GPR31: variants seen among roughly 807,000 people sequenced by gnomAD.
The protein encoded by GPR31 is G protein-coupled receptor 31, also known as 12-(S)-hydroxy-5,8,10,14-eicosatetraenoic acid receptor.
For synonymous variants in GPR31, 209 were observed against 183.8 expected (o/e 1.14, Z -1.11); for missense variants, 394 against 400.5 (o/e 0.98, Z 0.14).
rs1001611890 is a variant in GPR31, at chr6:167,155,550, C to T, written c.*1322G>A. On this transcript the variant is annotated 3_prime_UTR_variant, in exon 1 of 1. Coordinates refer to ENST00000366834, the MANE Select transcript of GPR31 (RefSeq NM_005299.3). ...GTTGCCTAGAGCCATCATTTTTGAC[C>T]TCGAATTTGACAGAAAGCTTGGGAC... Among the ~76,000 whole-genome samples the T allele has an allele frequency of 1.3e-5, 2 of 152,316 alleles. No homozygotes were observed. The highest frequency in any genetic ancestry group is 3.4e-3 in the Middle Eastern group (1 of 294).
Position 167,157,143 on chromosome 6 carries a change from A to G in GPR31, c.689T>C (p.Leu230Pro). 6.2e-7 allele frequency: 1 copy of G among 1,614,244 alleles called. No individual in the cohort carries two copies. The highest frequency in any genetic ancestry group is 2.2e-5 in the East Asian group (1 of 44,888). The change falls in exon 1 of 1, where the codon CTG (leucine) becomes CCG (proline). Residue 230 changes from leucine to proline, a missense_variant. Physicochemically the swap from Leu to Pro is moderately conservative, Grantham distance 98. Transcript: ENST00000366834. ...AQALVTLVVV[L>P]FALCFLPCFL... ...GCAGGGCAGAAAGCACAGAGCAAACAGCACCACCACCAAGGTGACCAGTGC... is the reference window on the plus strand; with the variant it reads ...GCAGGGCAGAAAGCACAGAGCAAACGGCACCACCACCAAGGTGACCAGTGC...
rs1261237506 is a variant in GPR31 at position 167,156,481 on chromosome 6, C to T, written c.*391G>A. 6.2e-6 allele frequency: 1 copy of T among 161,692 alleles called. No individual in the cohort carries two copies. The highest frequency in any genetic ancestry group is 1.3e-5 in the Non-Finnish European group (1 of 75,058). The allele number at this position is 161,692 out of a possible 1,614,324, so 10.0% of individuals were successfully genotyped here. A position where few individuals can be genotyped will look rare whatever the true frequency, so the allele number is the denominator to read the frequency against. ...ACTGAAGCATAATAAATGAAAATGACTTGCTGAGACCAAGTAAGAGTTGGA... is the reference window on the plus strand; with the variant it reads ...ACTGAAGCATAATAAATGAAAATGATTTGCTGAGACCAAGTAAGAGTTGGA... On this transcript the variant is annotated 3_prime_UTR_variant, in exon 1 of 1. Transcript: ENST00000366834. The surrounding 1 kb of genome is among the most constrained non-coding windows in gnomAD (Gnocchi z 4.5).
At position 167,157,887 on chromosome 6, in the gene GPR31, T is replaced by C. The variant is rs1042330000; in HGVS notation, c.-56A>G. On this transcript the variant is annotated 5_prime_UTR_variant, in exon 1 of 1. Coordinates refer to ENST00000366834, the MANE Select transcript of GPR31 (RefSeq NM_005299.3). Reference sequence around the variant, plus strand: ...TGGAGCAGGTACAGGAGGAACTCTGTGCTCTTTCTTACAAAATGAAAGAAA... The same window carrying C: ...TGGAGCAGGTACAGGAGGAACTCTGCGCTCTTTCTTACAAAATGAAAGAAA... The C allele has an allele frequency of 2.5e-5, 37 of 1,505,148 alleles. No individual in the cohort carries two copies. Among genetic ancestry groups the C allele is most frequent in the South Asian group, 3.9e-5 (3 of 76,074 alleles). The allele number at this position is 1,505,148 out of a possible 1,614,324, so 93.2% of individuals were successfully genotyped here. A position where few individuals can be genotyped will look rare whatever the true frequency, so the allele number is the denominator to read the frequency against.
At position 167,157,376 on chromosome 6, in the gene GPR31, G is replaced by C. The variant is rs140917572; in HGVS notation, c.456C>G (p.Ile152Met). The C allele has an allele frequency of 4.0e-4, 650 of 1,613,470 alleles. 6 individuals are homozygous for C. The African/African-American group carries it at 7.6e-3, about 19-fold the overall frequency. Residue 152 changes from isoleucine to methionine, a missense_variant, in exon 1 of 1, where the codon ATC becomes ATG. Coordinates refer to ENST00000366834, the MANE Select transcript of GPR31 (RefSeq NM_005299.3). ...TGGTGGAGTTCTGGGCGGCCTCAGA[G>C]ATGAGCAAGCCCGGGCAGGTGAGGG... is the stretch of plus-strand genomic sequence containing the variant. ...MVALTCPGLLISEAAQNSTRC... is the reference protein window; with the variant it reads ...MVALTCPGLLMSEAAQNSTRC...
chr6:167,157,748 A>G lies in GPR31; in HGVS notation c.84T>C (p.Gly28=). 1 of 1,613,406 alleles carries G rather than the reference A, an allele frequency of 6.2e-7. No homozygotes were observed. The highest frequency in any genetic ancestry group is 8.5e-7 in the Non-Finnish European group (1 of 1,179,966). The change falls in exon 1 of 1, where the codon GGT becomes GGC. Residue 28 remains glycine, a synonymous_variant. Transcript: ENST00000366834. The part of the protein sequence containing the change: ...GVLLGLECGL[G]LLGNAVALWT... ...ACAGCGCCACCGCGTTGCCCAGCAG[A>G]CCCAGCCCACACTCCAGCCCCAGCA...
Position 167,157,441 on chromosome 6 carries a change from C to T in GPR31, c.391G>A (p.Ala131Thr). ...LKVNLLSPQA[A>T]LGVSGLVWLL... ...CAGACGAGGCCCGAGACCCCCAGGG[C>T]CGCCTGAGGAGACAGCAGGTTGACC... Residue 131 changes from alanine (A) to threonine (T), a missense_variant, in exon 1 of 1, where the codon GCC becomes ACC. Physicochemically the swap from Ala to Thr is moderately conservative, Grantham distance 58 (BLOSUM62 0). Transcript: ENST00000366834. 1 of 1,613,438 alleles carries T rather than the reference C, an allele frequency of 6.2e-7. No homozygotes were observed. The highest frequency in any genetic ancestry group is 8.5e-7 in the Non-Finnish European group (1 of 1,179,928).
In GPR31 at chr6:167,157,955, C is replaced by G; in HGVS notation, c.-124G>C. The G allele has an allele frequency of 8.5e-7, 1 of 1,182,136 alleles. No individual in the cohort carries two copies. Among genetic ancestry groups the G allele is most frequent in the Non-Finnish European group, 1.2e-6 (1 of 854,516 alleles). The allele number at this position is 1,182,136 out of a possible 1,614,324, so 73.2% of individuals were successfully genotyped here. ...AGAGTAGACAAGATCTACATTTGCC[C>G]AACAAGAACAGTTCCTCAGCAGAAT... On this transcript the variant is annotated 5_prime_UTR_variant, in exon 1 of 1. Coordinates refer to ENST00000366834, the MANE Select transcript of GPR31 (RefSeq NM_005299.3).
Position 167,157,465 on chromosome 6 carries a change from C to A in GPR31, c.367G>T (p.Val123Phe). 1.2e-6 allele frequency: 2 copies of A among 1,613,604 alleles called. No homozygotes were observed. The highest frequency in any genetic ancestry group is 1.7e-6 in the Non-Finnish European group (2 of 1,179,918). ...GCCGCCTGAGGAGACAGCAGGTTGA[C>A]CTTAAGCCGAGGGTGGACCACACGG... The part of the protein sequence containing the change: ...YLRVVHPRLK[V>F]NLLSPQAALG... Residue 123 changes from valine (V) to phenylalanine (F), a missense_variant, in exon 1 of 1, where the codon GTC (valine) becomes TTC (phenylalanine). Transcript: ENST00000366834.
chr6:167,156,567 A>G lies in GPR31; in HGVS notation c.*305T>C. 1 of 250,734 alleles carries G rather than the reference A, an allele frequency of 4.0e-6. No individual in the cohort carries two copies. The highest frequency in any genetic ancestry group is 7.5e-6 in the Non-Finnish European group (1 of 132,822). 15.5% of individuals were successfully genotyped at this position (250,734 alleles called of 1,614,324 possible). On this transcript the variant is annotated 3_prime_UTR_variant, in exon 1 of 1. Transcript: ENST00000366834. The surrounding 1 kb of genome is among the most constrained non-coding windows in gnomAD (Gnocchi z 4.5). ...CTGATTTAGCAAATTACATTTCTTC[A>G]AGTGTGGAGATGGAGTAGCTGCCCG...
At position 167,157,668 on chromosome 6, in the gene GPR31, T is replaced by A. The variant is rs2114956510; in HGVS notation, c.164A>T (p.Asn55Ile). 5.6e-6 allele frequency: 9 copies of A among 1,613,734 alleles called. No homozygotes were observed. Among genetic ancestry groups the A allele is most frequent in the African/African-American group, 1.3e-5 (1 of 75,010 alleles). Residue 55 changes from asparagine to isoleucine, a missense_variant, in exon 1 of 1, where the codon AAC becomes ATC. Physicochemically the swap from Asn to Ile is moderately radical, Grantham distance 149. Coordinates refer to ENST00000366834, the MANE Select transcript of GPR31 (RefSeq NM_005299.3). ...CAACAGCAGGTCAGCCAGGGCCAGGTTGAGCAGGTAGACAGCGTACGGCTT... is the reference window on the plus strand; with the variant it reads ...CAACAGCAGGTCAGCCAGGGCCAGGATGAGCAGGTAGACAGCGTACGGCTT... ...VWKPYAVYLL[N>I]LALADLLLAA...
In GPR31 at chr6:167,156,465, T is replaced by C. The variant is rs1782064579; in HGVS notation, c.*407A>G. On this transcript the variant is annotated 3_prime_UTR_variant, in exon 1 of 1. Transcript: ENST00000366834. The surrounding 1 kb of genome is among the most constrained non-coding windows in gnomAD (Gnocchi z 4.5). ...TTTTTTTGTATTTAAAACTGAAGCA[T>C]AATAAATGAAAATGACTTGCTGAGA... 2 of 159,004 alleles carry C rather than the reference T, an allele frequency of 1.3e-5. 1 individual carries two copies. The highest frequency in any genetic ancestry group is 4.0e-4 in the South Asian group (2 of 5,018). The allele number at this position is 159,004 out of a possible 1,614,324, so 9.8% of individuals were successfully genotyped here.
chr6:167,157,738 T>C lies in GPR31; in HGVS notation c.94A>G (p.Asn32Asp). ...GLECGLGLLG[N>D]AVALWTFLFR... The stretch of plus-strand genomic sequence containing the variant: ...AGGAAGGTCCACAGCGCCACCGCGT[T>C]GCCCAGCAGACCCAGCCCACACTCC... The change falls in exon 1 of 1, where the codon AAC becomes GAC. Residue 32 changes from asparagine to aspartate, a missense_variant. By Grantham distance (23) the Asn-to-Asp change is conservative (BLOSUM62 1). Coordinates refer to ENST00000366834, the MANE Select transcript of GPR31 (RefSeq NM_005299.3). 1 of 1,613,630 alleles carries C rather than the reference T, an allele frequency of 6.2e-7. No individual in the cohort carries two copies. The highest frequency in any genetic ancestry group is 8.5e-7 in the Non-Finnish European group (1 of 1,180,014).
Position 167,155,533 on chromosome 6 carries a change from G to C in GPR31, c.*1339C>G, listed in dbSNP as rs1782054472. Among the ~76,000 whole-genome samples the C allele has an allele frequency of 6.6e-6, 1 of 152,218 alleles. No individual in the cohort carries two copies. The highest frequency in any genetic ancestry group is 1.5e-5 in the Non-Finnish European group (1 of 68,040). ...GAGACTTGCCATTTTCTGTTGCCTA[G>C]AGCCATCATTTTTGACCTCGAATTT... On this transcript the variant is annotated 3_prime_UTR_variant, in exon 1 of 1. Transcript: ENST00000366834.
In GPR31 at chr6:167,157,324, C is replaced by G. The variant is rs764298562; in HGVS notation, c.508G>C (p.Asp170His). The G allele has an allele frequency of 5.4e-5, 87 of 1,613,970 alleles. No individual in the cohort carries two copies. Among genetic ancestry groups the G allele is most frequent in the Non-Finnish European group, 6.4e-5 (76 of 1,180,044 alleles). ...TGCCAGATGATGCTGAAGGAGCCGT[C>G]TGCCCTGGAGTAGAAACTGTGGCAC... ...TRCHSFYSRA[D>H]GSFSIIWQEA... The change falls in exon 1 of 1, where the codon GAC (aspartate) becomes CAC (histidine). Residue 170 changes from aspartate to histidine, a missense_variant. Asp to His is a moderately conservative substitution (Grantham distance 81, BLOSUM62 -1). Coordinates refer to ENST00000366834, the MANE Select transcript of GPR31 (RefSeq NM_005299.3).
Position 167,156,889 on chromosome 6 carries a change from T to G in GPR31, c.943A>C (p.Arg315=). ...QAAEPPDFNP[R]DSYS ...GGCTGTTGTCAGGAATAGGAGTCTCTGGGGTTGAAATCTGGGGGCTCTGCT... is the reference window on the plus strand; with the variant it reads ...GGCTGTTGTCAGGAATAGGAGTCTCGGGGGTTGAAATCTGGGGGCTCTGCT... Residue 315 remains arginine, a synonymous_variant, in exon 1 of 1, where the codon AGA becomes CGA. Coordinates refer to ENST00000366834, the MANE Select transcript of GPR31 (RefSeq NM_005299.3). This position sits in a 1 kb window ranked among gnomAD's most constrained non-coding sequence, Gnocchi z 4.5. 2 of 1,602,178 alleles carry G rather than the reference T, an allele frequency of 1.2e-6. No individual in the cohort carries two copies. Among genetic ancestry groups the G allele is most frequent in the South Asian group, 2.2e-5 (2 of 89,494 alleles).
In GPR31 at chr6:167,157,519, G is replaced by A; in HGVS notation, c.313C>T (p.Leu105=). 1 of 1,613,290 alleles carries A rather than the reference G, an allele frequency of 6.2e-7. No homozygotes were observed. The highest frequency in any genetic ancestry group is 8.5e-7 in the Non-Finnish European group (1 of 1,179,710). ...DLSRSVGMAF[L]AAVALDRYLR... ...TACCGGTCCAAAGCCACGGCGGCCA[G>A]GAAGGCCATCCCCACGCTGCGGCTG... Residue 105 remains leucine, a synonymous_variant, in exon 1 of 1, where the codon CTG becomes TTG. Coordinates refer to ENST00000366834, the MANE Select transcript of GPR31 (RefSeq NM_005299.3).
chr6:167,156,736 G>A lies in GPR31; in HGVS notation c.*136C>T. The stretch of plus-strand genomic sequence containing the variant: ...GTATAAGACCACACCTGCAGCAACT[G>A]TGCCCATGTTTATGCTCTGATCCTT... On this transcript the variant is annotated 3_prime_UTR_variant, in exon 1 of 1. Coordinates refer to ENST00000366834, the MANE Select transcript of GPR31 (RefSeq NM_005299.3). The surrounding 1 kb of genome is among the most constrained non-coding windows in gnomAD (Gnocchi z 4.5). The A allele has an allele frequency of 1.0e-6, 1 of 970,066 alleles. No individual in the cohort carries two copies. Among genetic ancestry groups the A allele is most frequent in the Non-Finnish European group, 1.6e-6 (1 of 644,112 alleles). 60.1% of individuals were successfully genotyped at this position (970,066 alleles called of 1,614,324 possible).
chr6:167,156,853 T>C lies in GPR31; in HGVS notation c.*19A>G. The stretch of plus-strand genomic sequence containing the variant: ...GCAGGTAGTTCCATAAACACGGGCG[T>C]TGAGGACGCTGGCTGTTGTCAGGAA... On this transcript the variant is annotated 3_prime_UTR_variant, in exon 1 of 1. Transcript: ENST00000366834. The surrounding 1 kb of genome is among the most constrained non-coding windows in gnomAD (Gnocchi z 4.5). 6.4e-7 allele frequency: 1 copy of C among 1,551,228 alleles called. No individual in the cohort carries two copies. The highest frequency in any genetic ancestry group is 8.7e-7 in the Non-Finnish European group (1 of 1,152,216).
At position 167,157,722 on chromosome 6, in the gene GPR31, C is replaced by T. The variant is rs1258689641; in HGVS notation, c.110G>A (p.Trp37Ter). Residue 37 changes from tryptophan (W) to a stop codon, truncating the protein, a stop_gained, in exon 1 of 1, where the codon TGG becomes TAG. Transcript: ENST00000366834. LOFTEE classifies it low-confidence loss of function (END_TRUNC). ...CACCCTGACCCGGAACAGGAAGGTC[C>T]ACAGCGCCACCGCGTTGCCCAGCAG... ...LGLLGNAVALWTFLFRVRVWK... is the reference protein window; with the variant it reads ...LGLLGNAVAL 1.2e-6 allele frequency: 2 copies of T among 1,613,510 alleles called. No individual in the cohort carries two copies. The highest frequency in any genetic ancestry group is 3.3e-5 in the Admixed American group (2 of 59,998).
Sources: gnomAD v4.1 joint callset for allele counts (sites outside exome capture counted in the v4.1 genomes callset) on GRCh38, gnomAD v4.1.1 for gene constraint, Gnocchi (gnomAD v3.1) non-coding constraint, MANE v1.5 for transcripts, NCBI Gene and HGNC (gene_info 2026-07-23, HGNC 2026-07-21) for gene names.